ABR: variants seen among roughly 807,000 people sequenced by gnomAD.
ABR encodes the protein ABR activator of RhoGEF and GTPase.
Under a neutral mutation model 107.2 loss-of-function variants are expected in ABR, and 35 were observed. The ratio of observed to expected loss-of-function variants is 0.33; its 90% CI spans 0.25 to 0.43. The LOEUF (loss-of-function observed/expected upper bound fraction) is 0.43. ABR is among the 20% of genes least tolerant of loss of function. The pLI is 1.00. For missense variants in ABR, 815 were observed against 1,115.2 expected (o/e 0.73, Z 3.83); for synonymous variants, 498 against 462.0 (o/e 1.08, Z -1.00).
intron 3 of ABR, among the ~76,000 whole-genome samples, chr17:1,094,039 C>A (rs1264402962): frequency 6.6e-6 from 1 of 152,160 alleles, no homozygotes; most frequent in Non-Finnish European, 1.5e-5. Flanking sequence ...ATCAATGGCC[C>A]CTCGGTGTCC....
At chr17:1,032,716 AACCGCAGAGACTAGGACACAAAT>A (rs1392969898) in intron 16 of ABR, among the ~76,000 whole-genome samples, 1 of 152,196 alleles carries the variant, frequency 6.6e-6, no homozygotes, top group African/African-American at 2.4e-5. Flanking sequence ...TGAACTTTCT[AACCGCAGAGACTAGGACACAAAT>A]TACGTCTCAA....
At chr17:1,031,721 C>T in intron 16 of ABR, 1 of 1,245,856 alleles carries the variant, frequency 8.0e-7, no homozygotes. Context: ...TGCAGTCGGG[C>T]TGGGGCAGGA....
chr17:1,114,169 C>CAAAAAAA (rs72267709), intron 2 of ABR, among the ~76,000 whole-genome samples: 1 of 131,492 alleles, frequency 7.6e-6, no homozygotes, highest in African/African-American at 2.9e-5. Flanking sequence ...GACCCTGTCT[C>CAAAAAAA]AAAAAAAAAA....
At chr17:1,160,854 A>G (rs1246499020) in intron 1 of ABR, among the ~76,000 whole-genome samples, 1 of 152,254 alleles carries the variant, frequency 6.6e-6, no homozygotes, top group Non-Finnish European at 1.5e-5. Flanking sequence ...GCCACGCTCC[A>G]CAAAGGGAAC....
Position 1,050,040 on chromosome 17 carries a change from C to CT in ABR, c.1791+9dup. ...GCTCCCTCAGCCTCGCCCCGGCGCC[C>CT]TGGCCTCACCTGGATCTGTCCTTTG... On this transcript the variant is annotated intron_variant, in intron 16 of 22. Transcript: ENST00000302538. This position sits in a 1 kb window ranked among gnomAD's most constrained non-coding sequence, Gnocchi z 4.6. The CT allele has an allele frequency of 1.2e-6, 2 of 1,612,550 alleles. No homozygotes were observed. Among genetic ancestry groups the CT allele is most frequent in the Non-Finnish European group, 1.7e-6 (2 of 1,179,472 alleles).
intron 16 of ABR, among the ~76,000 whole-genome samples, chr17:1,013,455 T>TA (rs2070833487): frequency 1.3e-5 from 2 of 149,064 alleles, no homozygotes; most frequent in African/African-American, 5.1e-5. Context: ...TTACCCACCG[T>TA]GGGGGAGGCA....
chr17:1,133,879 C>T (rs1236227546), intron 1 of ABR, among the ~76,000 whole-genome samples: 1 of 152,212 alleles, frequency 6.6e-6, no homozygotes, highest in Non-Finnish European at 1.5e-5. Context: ...ATGCTGGGAC[C>T]TCTGGCAAGG....
At chr17:1,180,112 C>G (rs1326569575), upstream of ABR, among the ~76,000 whole-genome samples, 2 of 151,208 alleles carry the variant, frequency 1.3e-5, no homozygotes, top group Admixed American at 6.6e-5. Flanking sequence ...CCGCAGGACG[C>G]CCCCGGCCGG....
intron 1 of ABR, among the ~76,000 whole-genome samples, chr17:1,172,071 G>A (rs1041865965): frequency 1.4e-4 from 21 of 152,136 alleles, no homozygotes; most frequent in African/African-American, 5.1e-4. Flanking sequence ...TTCATCTTTC[G>A]GTCTAGTGTG....
chr17:1,035,830 G>A (rs2073145814), intron 16 of ABR, among the ~76,000 whole-genome samples: 2 of 150,376 alleles, frequency 1.3e-5, no homozygotes, highest in South Asian at 4.3e-4. Flanking sequence ...TCCCCGGGGA[G>A]ACGTGGGTGG....
rs1307854902 is a variant in ABR, at chr17:1,003,533, A to G, written c.*2547T>C. ...CACCACAGGGCTGAGTTTTGTGCAAATGATGGGGCTTTGCATTTTTTATTA... is the reference window on the plus strand; with the variant it reads ...CACCACAGGGCTGAGTTTTGTGCAAGTGATGGGGCTTTGCATTTTTTATTA... On this transcript the variant is annotated 3_prime_UTR_variant, in exon 23 of 23. Coordinates refer to ENST00000302538, the MANE Select transcript of ABR (RefSeq NM_021962.5). The G allele has an allele frequency of 1.3e-5, 2 of 152,658 alleles. No homozygotes were observed. Among genetic ancestry groups the G allele is most frequent in the Non-Finnish European group, 2.9e-5 (2 of 68,044 alleles). 9.5% of individuals were successfully genotyped at this position (152,658 alleles called of 1,614,324 possible).
At chr17:1,226,293 G>A (rs1310338509) in intron 1 of ABR, among the ~76,000 whole-genome samples, 1 of 152,092 alleles carries the variant, frequency 6.6e-6, no homozygotes, top group East Asian at 1.9e-4. Flanking sequence ...TCCCTTAATC[G>A]CTCCACTCTA....
intron 1 of ABR, among the ~76,000 whole-genome samples, chr17:1,208,535 G>A (rs111507907): frequency 1.8e-4 from 27 of 152,314 alleles, no homozygotes; most frequent in African/African-American, 5.8e-4. Context: ...CTCTGCTAAC[G>A]TCGCGGTAGA....
At position 1,135,096 on chromosome 17, in the gene ABR, G is replaced by A. The variant is rs375218148; in HGVS notation, c.62-9729C>T. Among the ~76,000 whole-genome samples, 224 of 152,308 alleles carry A rather than the reference G, an allele frequency of 1.5e-3. 1 individual carries two copies. The highest frequency in any genetic ancestry group is 5.2e-3 in the African/African-American group (215 of 41,584). ...GGGGGACAGGAGCAGAGTTTCAGGC[G>A]GTGAGAGGAGGCTTGGCAGTGGCAC... On this transcript the variant is annotated intron_variant, in intron 1 of 22. Transcript: ENST00000302538.
intron 16 of ABR, among the ~76,000 whole-genome samples, chr17:1,048,397 CTACCA>C (rs879403621): frequency 0.1 from 15,001 of 150,732 alleles, 920 homozygotes; most frequent in Admixed American, 0.2. Flanking sequence ...AGGGGCAATG[CTACCA>C]AGGACCTGCA....
intron 16 of ABR, among the ~76,000 whole-genome samples, chr17:1,042,557 T>C (rs867966038): frequency 4.6e-5 from 3 of 65,652 alleles, no homozygotes; most frequent in Middle Eastern, 7.5e-3. Flanking sequence ...CATGGACGGA[T>C]GGATGGGTAA....
At chr17:1,104,688 C>G (rs1017536407) in intron 2 of ABR, among the ~76,000 whole-genome samples, 1 of 152,210 alleles carries the variant, frequency 6.6e-6, no homozygotes, top group African/African-American at 2.4e-5. Context: ...AGTGTAGAGG[C>G]ATCGAGAGAC....
At chr17:1,185,823 A>G (rs920491101) in intron 1 of ABR, among the ~76,000 whole-genome samples, 1 of 151,862 alleles carries the variant, frequency 6.6e-6, no homozygotes, top group Non-Finnish European at 1.5e-5. Context: ...ACAGTAAAGC[A>G]GCATTTACTA....
chr17:1,211,155 C>A lies in ABR; in HGVS notation c.838+17638G>T, dbSNP rs1193694763. The stretch of plus-strand genomic sequence containing the variant: ...TTAGCCAGGCGTGGTGGCAGACGCC[C>A]ATAGTCCCAGCTACTCAGGAGGCTG... On this transcript the variant is annotated intron_variant, in intron 1 of 22. Transcript: ENST00000574139. 3.3e-5 allele frequency among the ~76,000 whole-genome samples: 5 copies of A among 152,100 alleles called. No individual in the cohort carries two copies. The East Asian group carries it at 9.6e-4, about 29-fold the overall frequency.
Sources: gnomAD v4.1 joint callset for allele counts (sites outside exome capture counted in the v4.1 genomes callset) on GRCh38, gnomAD v4.1.1 for gene constraint, Gnocchi (gnomAD v3.1) non-coding constraint, MANE v1.5 for transcripts, NCBI Gene and HGNC (gene_info 2026-07-23, HGNC 2026-07-21) for gene names.